Variants in UGT2A2 observed in about 807,000 individuals in gnomAD.
The protein encoded by UGT2A2 is UDP-glucuronosyltransferase 2A2.
A neutral mutation model predicts 50.7 loss-of-function variants in UGT2A2; 60 were observed. That is an observed-to-expected ratio of 1.18 (90% CI 0.96 to 1.47). UGT2A2 has a LOEUF of 1.47. UGT2A2 is among the 40% of genes most tolerant of loss of function. UGT2A2 has a pLI of 0.00. For missense variants in UGT2A2, 762 were observed against 634.0 expected (o/e 1.20, Z -2.17); for synonymous variants, 242 against 214.6 (o/e 1.13, Z -1.11).
intron 1 of UGT2A2, 125 bp downstream of exon 1, chr4:69,638,774 C>G: frequency 8.2e-7 from 1 of 1,213,164 alleles, no homozygotes; most frequent in East Asian, 2.6e-5. Flanking sequence ...ATTGTTTGTA[C>G]AGAGATATAA....
intron 1 of UGT2A2, among the ~76,000 whole-genome samples, chr4:69,607,947 T>C (rs1364599669): frequency 4.6e-5 from 7 of 152,120 alleles, no homozygotes; most frequent in African/African-American, 7.2e-5. Context: ...TGTCGAGAAA[T>C]AGGAACACTT....
chr4:69,637,832 C>G (rs1721798520), intron 1 of UGT2A2, among the ~76,000 whole-genome samples: 1 of 150,322 alleles, frequency 6.7e-6, no homozygotes, highest in Admixed American at 6.7e-5. Flanking sequence ...TGGCATTCAA[C>G]AAATACTTTT....
intron 1 of UGT2A2, among the ~76,000 whole-genome samples, chr4:69,637,231 A>G (rs2109965570): frequency 6.6e-6 from 1 of 152,272 alleles, no homozygotes; most frequent in East Asian, 1.9e-4. Context: ...GTAAAATTTT[A>G]GTTATAGCAT....
At chr4:69,595,400 T>C (rs1238764858) in intron 3 of UGT2A2, 151 bp from the exon 4 acceptor site, 3 of 795,626 alleles carry the variant, frequency 3.8e-6, no homozygotes, top group Non-Finnish European at 5.9e-6. Context: ...GTAGTAGGAC[T>C]GTTTATATGT....
chr4:69,591,313 A>G (rs533630313), intron 5 of UGT2A2, among the ~76,000 whole-genome samples: 2 of 152,296 alleles, frequency 1.3e-5, no homozygotes, highest in South Asian at 4.1e-4. Flanking sequence ...TGTTTAAGAA[A>G]TACATTGGTT....
chr4:69,623,851 A>C (rs571146799), intron 1 of UGT2A2, among the ~76,000 whole-genome samples: 6 of 151,686 alleles, frequency 4.0e-5, no homozygotes. Flanking sequence ...ATAAAAATAA[A>C]GACTTGAGCA....
At chr4:69,601,038 G>C (rs927853868) in intron 1 of UGT2A2, among the ~76,000 whole-genome samples, 1 of 152,094 alleles carries the variant, frequency 6.6e-6, no homozygotes, top group Non-Finnish European at 1.5e-5. Flanking sequence ...TTTGAGTTTT[G>C]AGAGGAGTGT....
At chr4:69,620,815 T>C (rs1720708836) in intron 1 of UGT2A2, among the ~76,000 whole-genome samples, 1 of 151,506 alleles carries the variant, frequency 6.6e-6, no homozygotes, top group African/African-American at 2.4e-5. Flanking sequence ...GGAAACAGAA[T>C]AGAGAGCTCA....
chr4:69,598,346 T>C (rs921925701), intron 2 of UGT2A2, among the ~76,000 whole-genome samples: 1 of 152,182 alleles, frequency 6.6e-6, no homozygotes, highest in African/African-American at 2.4e-5. Flanking sequence ...TCACTCCTTA[T>C]TGATAGTTAA....
intron 5 of UGT2A2, among the ~76,000 whole-genome samples, chr4:69,592,083 A>T (rs890479037): frequency 6.6e-6 from 1 of 152,160 alleles, no homozygotes; most frequent in Non-Finnish European, 1.5e-5. Context: ...TCTTTTTTGA[A>T]ATGAATACAT....
intron 5 of UGT2A2, among the ~76,000 whole-genome samples, chr4:69,590,892 A>C (rs1718560417): frequency 6.6e-6 from 1 of 152,170 alleles, no homozygotes. Context: ...ATTCTGAATA[A>C]TTAAATTACA....
chr4:69,633,110 C>T (rs1201145852), intron 1 of UGT2A2, among the ~76,000 whole-genome samples: 3 of 152,004 alleles, frequency 2.0e-5, no homozygotes, highest in African/African-American at 7.3e-5. Context: ...GTTACTCAGC[C>T]TAAGTATCTG....
intron 1 of UGT2A2, among the ~76,000 whole-genome samples, chr4:69,619,075 A>G (rs940269871): frequency 2.0e-5 from 3 of 151,890 alleles, no homozygotes; most frequent in Non-Finnish European, 2.9e-5. Flanking sequence ...TTATATCAGA[A>G]AAAAGTTTAT....
chr4:69,633,604 A>T lies in UGT2A2; in HGVS notation c.742+5295T>A, dbSNP rs564607161. On this transcript the variant is annotated intron_variant, in intron 1 of 5. Coordinates refer to ENST00000604629, the MANE Select transcript of UGT2A2 (RefSeq NM_001105677.2). ...GTGATACATTAATTCAATAGACTCC[A>T]TATAGCTATAAGAATGAGCACAGCA... Among the ~76,000 whole-genome samples the T allele has an allele frequency of 9.8e-5, 15 of 152,332 alleles. No homozygotes were observed. In the South Asian group the frequency reaches 3.1e-3, roughly 32 times the overall value.
intron 1 of UGT2A2, among the ~76,000 whole-genome samples, chr4:69,630,887 T>G (rs1008188808): frequency 6.6e-6 from 1 of 151,930 alleles, no homozygotes; most frequent in Admixed American, 6.6e-5. Context: ...ATTATATATA[T>G]ACATACATGT....
chr4:69,624,123 CTTTAATTTTCATCAA>C (rs1333340463), intron 1 of UGT2A2, among the ~76,000 whole-genome samples: 17 of 151,530 alleles, frequency 1.1e-4, no homozygotes, highest in African/African-American at 4.1e-4. Flanking sequence ...TCTATTTCTC[CTTTAATTTTCATCAA>C]TTTACTTTCT....
At chr4:69,631,780 G>A (rs1393022527) in intron 1 of UGT2A2, among the ~76,000 whole-genome samples, 1 of 152,110 alleles carries the variant, frequency 6.6e-6, no homozygotes, top group Non-Finnish European at 1.5e-5. Context: ...ATATTACTAG[G>A]CTCCACTGAT....
intron 5 of UGT2A2, among the ~76,000 whole-genome samples, chr4:69,591,162 G>T (rs1015211748): frequency 7.2e-5 from 11 of 152,086 alleles, no homozygotes; most frequent in Non-Finnish European, 1.5e-4. Context: ...TAAAATATTT[G>T]AAGATATTTA....
chr4:69,629,230 C>T lies in UGT2A2; in HGVS notation c.742+9669G>A, dbSNP rs559956342. Among the ~76,000 whole-genome samples, 41 of 152,116 alleles carry T rather than the reference C, an allele frequency of 2.7e-4. No individual in the cohort carries two copies. In the Middle Eastern group the frequency reaches 0.01, roughly 38 times the overall value. On this transcript the variant is annotated intron_variant, in intron 1 of 5. Coordinates refer to ENST00000604629, the MANE Select transcript of UGT2A2 (RefSeq NM_001105677.2). ...CAGGTAGAAAGGGAGCCAGGTAATA[C>T]AGTCAATAAAAGTAGCTTCCTAGCA...
Sources: allele counts gnomAD v4.1 joint callset (sites outside exome capture counted in the v4.1 genomes callset), GRCh38; gene constraint gnomAD v4.1.1; transcripts MANE v1.5; gene names NCBI Gene and HGNC (gene_info 2026-07-23, HGNC 2026-07-21).